The following CAMK2B variants were observed in gnomAD, a reference collection of about 807,000 sequenced individuals.
CAMK2B encodes calcium/calmodulin-dependent protein kinase type II subunit beta.
Under a neutral mutation model 93.7 loss-of-function variants are expected in CAMK2B, and 27 were observed. That is an observed-to-expected ratio of 0.29 (90% confidence interval 0.21 to 0.40). CAMK2B has a LOEUF of 0.40. CAMK2B is among the 10% of genes least tolerant of loss of function. CAMK2B has a pLI of 1.00. For missense variants in CAMK2B, 568 were observed against 895.8 expected, an observed-to-expected ratio of 0.63 and a Z score of 4.67; for synonymous variants, 374 against 358.8, an observed-to-expected ratio of 1.04 and a Z score of -0.48.
At chr7:44,284,282 G>C in intron 1 of CAMK2B, 57 bp from the exon 2 acceptor site, 1 of 1,258,770 alleles carries the variant, frequency 7.9e-7, no homozygotes. Context: ...AGGAGAAAGA[G>C]AGAGAGCCGA....
At chr7:44,282,413 T>C (rs1043223450) in intron 2 of CAMK2B, among the ~76,000 whole-genome samples, 1 of 152,094 alleles carries the variant, frequency 6.6e-6, no homozygotes, top group Non-Finnish European at 1.5e-5. Context: ...TGGAGAATGG[T>C]TGGGAGCGCA....
chr7:44,255,291 T>C (rs1024784189), intron 4 of CAMK2B, among the ~76,000 whole-genome samples: 5 of 152,260 alleles, frequency 3.3e-5, no homozygotes, highest in East Asian at 1.9e-4. Context: ...ATGGTCAGGA[T>C]AGACCCTGTG....
rs2096686838 is a variant in CAMK2B, at chr7:44,242,227, C to T, written c.810G>A (p.Pro270=). ...ACCAAGGGCGACTCACGCAGACCCA[C>T]GGGTGCTTCAGGGCCTCATGGGCTG... ...RITAHEALKH[P]WVCQRSTVAS... Residue 270 remains proline (P), a synonymous_variant, in exon 10 of 24, where the codon CCG becomes CCA. Transcript: ENST00000395749. The T allele has an allele frequency of 2.5e-6, 4 of 1,613,506 alleles. No homozygotes were observed. The highest frequency in any genetic ancestry group is 1.7e-5 in the Admixed American group (1 of 59,954).
intron 2 of CAMK2B, among the ~76,000 whole-genome samples, chr7:44,269,590 G>A (rs2096954043): frequency 1.3e-5 from 2 of 152,184 alleles, no homozygotes; most frequent in South Asian, 4.1e-4. Flanking sequence ...AGGGATAAGG[G>A]GAACAGGAGG....
chr7:44,269,788 G>A (rs573956131), intron 2 of CAMK2B, among the ~76,000 whole-genome samples: 1 of 152,242 alleles, frequency 6.6e-6, no homozygotes, highest in South Asian at 2.1e-4. Context: ...GTCAGACCCA[G>A]AGACCGAGAG....
At chr7:44,234,351 T>G (rs1583962484) in intron 15 of CAMK2B, 39 bp downstream of exon 15, 2 of 1,464,826 alleles carry the variant, frequency 1.4e-6, no homozygotes, top group Non-Finnish European at 1.8e-6. Context: ...GCCAGGGGCG[T>G]AGGAGGGGCT....
Position 44,243,103 on chromosome 7 carries a change from C to A in CAMK2B, c.601+147G>T, listed in dbSNP as rs145598679. On this transcript the variant is annotated intron_variant, in intron 8 of 23. Transcript: ENST00000395749. ...GGGGCTCTTGGCTGTGTGGGCAGAC[C>A]CCTGCCAGGGCAGCTCAAGGGCAGG... The A allele has an allele frequency of 1.0e-3, 661 of 654,452 alleles. 4 individuals carry two copies. In the East Asian group the frequency reaches 0.016, roughly 15 times the overall value. The allele number at this position is 654,452 out of a possible 1,614,324, so 40.5% of individuals were successfully genotyped here.
At chr7:44,221,448 C>A in intron 20 of CAMK2B, among the ~76,000 whole-genome samples, 1 of 152,198 alleles carries the variant, frequency 6.6e-6, no homozygotes, top group South Asian at 2.1e-4. Flanking sequence ...GAGCCGTCAG[C>A]AAGGCCACCC....
intron 7 of CAMK2B, 32 bp downstream of exon 7, chr7:44,243,393 G>T (rs761352727): frequency 1.9e-6 from 3 of 1,612,212 alleles, no homozygotes; most frequent in Non-Finnish European, 2.5e-6. Flanking sequence ...CCTGCCAACT[G>T]CCAGCCAACA....
At position 44,224,137 on chromosome 7, in the gene CAMK2B, A is replaced by G. The variant is rs575005400; in HGVS notation, c.1597+2379T>C. Among the ~76,000 whole-genome samples, 51 of 152,344 alleles carry G rather than the reference A, an allele frequency of 3.3e-4. No homozygotes were observed. The highest frequency in any genetic ancestry group is 5.0e-4 in the Non-Finnish European group (34 of 68,036). On this transcript the variant is annotated intron_variant, in intron 20 of 23. Coordinates refer to ENST00000395749, the MANE Select transcript of CAMK2B (RefSeq NM_001220.5). The surrounding 1 kb of genome is among the most constrained non-coding windows in gnomAD (Gnocchi z 4.4). ...GAGGAGATGCATGGTCAGAGTTCCA[A>G]TCAAGAGTGGTAACCGTGCTGAAGT...
intron 1 of CAMK2B, among the ~76,000 whole-genome samples, chr7:44,310,350 T>C (rs1245224955): frequency 1.3e-5 from 2 of 152,180 alleles, no homozygotes; most frequent in African/African-American, 2.4e-5. Context: ...AACCACTTCC[T>C]GGGGCCGGAA....
intron 6 of CAMK2B, among the ~76,000 whole-genome samples, chr7:44,246,120 C>A (rs1222999401): frequency 4.6e-5 from 7 of 152,122 alleles, no homozygotes; most frequent in Admixed American, 4.6e-4. Flanking sequence ...GCAGCAGAGA[C>A]TTGAGGAAAG....
At chr7:44,264,466 T>A (rs2096906648) in intron 2 of CAMK2B, among the ~76,000 whole-genome samples, 1 of 152,032 alleles carries the variant, frequency 6.6e-6, no homozygotes, top group Non-Finnish European at 1.5e-5. Flanking sequence ...GGCTCCCCCC[T>A]CCCAGGACAG....
At chr7:44,238,948 C>T (rs976456463) in intron 13 of CAMK2B, among the ~76,000 whole-genome samples, 1 of 152,236 alleles carries the variant, frequency 6.6e-6, no homozygotes, top group African/African-American at 2.4e-5. Flanking sequence ...CCGCACAGCC[C>T]AGAGGAGCAG....
At chr7:44,283,986 T>C in intron 2 of CAMK2B, 145 bp downstream of exon 2, 1 of 626,874 alleles carries the variant, frequency 1.6e-6, no homozygotes, top group Non-Finnish European at 2.8e-6. Flanking sequence ...GGAACCCCAC[T>C]GCATCTGTGC....
intron 2 of CAMK2B, among the ~76,000 whole-genome samples, chr7:44,266,250 C>T (rs79189274): frequency 1.3e-5 from 2 of 152,108 alleles, no homozygotes; most frequent in Non-Finnish European, 2.9e-5. Context: ...AAGGAAGAGG[C>T]GTTCTCTCTC....
At chr7:44,254,892 G>C (rs923139516) in intron 4 of CAMK2B, among the ~76,000 whole-genome samples, 3 of 150,404 alleles carry the variant, frequency 2.0e-5, no homozygotes, top group African/African-American at 7.4e-5. Context: ...CAACCACTCT[G>C]TGACTTTGGC....
Position 44,277,802 on chromosome 7 carries a change from C to T in CAMK2B, c.160+6329G>A, listed in dbSNP as rs1327071363. Among the ~76,000 whole-genome samples, 4 of 152,260 alleles carry T rather than the reference C, an allele frequency of 2.6e-5. No individual in the cohort carries two copies. In the South Asian group the frequency reaches 8.3e-4, roughly 32 times the overall value. On this transcript the variant is annotated intron_variant, in intron 2 of 23. Coordinates refer to ENST00000395749, the MANE Select transcript of CAMK2B (RefSeq NM_001220.5). ...ATTGCTCTCTGGGTCCCCTCTCCATCCCCCACCTCCCTGAATAGCAGGGGG... is the reference window on the plus strand; with the variant it reads ...ATTGCTCTCTGGGTCCCCTCTCCATTCCCCACCTCCCTGAATAGCAGGGGG...
intron 1 of CAMK2B, among the ~76,000 whole-genome samples, chr7:44,313,349 G>A (rs1372118352): frequency 1.3e-5 from 2 of 152,066 alleles, no homozygotes; most frequent in Admixed American, 6.5e-5. Context: ...TCTGAGGAAG[G>A]AAAAAGGGCA....
Sources: allele counts gnomAD v4.1 joint callset (sites outside exome capture counted in the v4.1 genomes callset), GRCh38; gene constraint gnomAD v4.1.1; non-coding constraint Gnocchi (gnomAD v3.1); transcripts MANE v1.5; gene names NCBI Gene and HGNC (gene_info 2026-07-23, HGNC 2026-07-21).